Variants in NEDD9 observed in about 807,000 individuals in gnomAD.
NEDD9 encodes the protein neural precursor cell expressed, developmentally down-regulated 9, also known as enhancer of filamentation 1.
Under a neutral mutation model 76.6 loss-of-function variants are expected in NEDD9, and 26 were observed. The ratio of observed to expected loss-of-function variants is 0.34; its 90% CI spans 0.25 to 0.47. NEDD9 has a LOEUF of 0.47. Ranked by LOEUF, NEDD9 falls within the 20% of genes least tolerant of loss-of-function variation. NEDD9 has a pLI of 1.00. For synonymous variants in NEDD9, 392 were observed against 414.2 expected (o/e 0.95, Z 0.65); for missense variants, 937 against 1,058.5 (o/e 0.89, Z 1.59).
At chr6:11,227,129 C>G (rs963010123) in intron 1 of NEDD9, among the ~76,000 whole-genome samples, 5 of 152,192 alleles carry the variant, frequency 3.3e-5, no homozygotes, top group African/African-American at 1.2e-4. Flanking sequence ...GGAATCAAGT[C>G]ATTAGTATAT....
At chr6:11,209,995 T>C (rs1758728316) in intron 2 of NEDD9, among the ~76,000 whole-genome samples, 1 of 119,082 alleles carries the variant, frequency 8.4e-6, no homozygotes, top group African/African-American at 3.0e-5. Context: ...AAGTGATTCA[T>C]TAGTAGAAAA....
intron 1 of NEDD9, among the ~76,000 whole-genome samples, chr6:11,349,847 T>A (rs1459231804): frequency 2.6e-5 from 4 of 152,176 alleles, no homozygotes; most frequent in African/African-American, 4.8e-5. Flanking sequence ...GGTCACCAAA[T>A]AATCTATACA....
chr6:11,322,046 A>T (rs1248839564), intron 2 of NEDD9, among the ~76,000 whole-genome samples: 1 of 152,152 alleles, frequency 6.6e-6, no homozygotes, highest in Non-Finnish European at 1.5e-5. Context: ...TGAAGCTGGA[A>T]ATCATCATCC....
chr6:11,298,783 C>A (rs963929155), intron 3 of NEDD9, among the ~76,000 whole-genome samples: 4 of 152,206 alleles, frequency 2.6e-5, no homozygotes, highest in Non-Finnish European at 5.9e-5. Flanking sequence ...AGTTCTGTGA[C>A]AGACTTTTGC....
chr6:11,319,625 A>ACTAACATGCACACT (rs200993999), intron 2 of NEDD9, among the ~76,000 whole-genome samples: 1 of 148,034 alleles, frequency 6.8e-6, no homozygotes, highest in Non-Finnish European at 1.5e-5. Flanking sequence ...ACTCACACAC[A>ACTAACATGCACACT]CACACACTAA....
At chr6:11,233,372 T>C (rs1297317216), upstream of NEDD9, 1 of 518,884 alleles carries the variant, frequency 1.9e-6, no homozygotes, top group East Asian at 5.4e-5. Flanking sequence ...GTCACACATA[T>C]TGAGCGACCT....
Position 11,302,633 on chromosome 6 carries a change from C to A in NEDD9, c.12+3359G>T, listed in dbSNP as rs1161932775. The stretch of plus-strand genomic sequence containing the variant: ...AATCCTCAATAAAATACTGGCAAAC[C>A]GAATCCAGCAGCACATCAAAAAGCT... On this transcript the variant is annotated intron_variant, in intron 3 of 3. Transcript: ENST00000397378. 2.0e-5 allele frequency among the ~76,000 whole-genome samples: 3 copies of A among 152,158 alleles called. No individual in the cohort carries two copies. In the East Asian group the frequency reaches 5.8e-4, roughly 29 times the overall value.
intron 1 of NEDD9, among the ~76,000 whole-genome samples, chr6:11,336,735 T>C (rs1762168371): frequency 6.6e-6 from 1 of 152,254 alleles, no homozygotes. Context: ...CTATAACTTC[T>C]TCTACTTTAT....
intron 3 of NEDD9, among the ~76,000 whole-genome samples, chr6:11,254,001 G>A (rs984105952): frequency 3.7e-4 from 56 of 152,286 alleles, no homozygotes; most frequent in African/African-American, 1.3e-3. Flanking sequence ...TAAAATACAC[G>A]ATGGCCAATT....
chr6:11,312,453 A>G (rs917651395), intron 2 of NEDD9, among the ~76,000 whole-genome samples: 1 of 151,916 alleles, frequency 6.6e-6, no homozygotes, highest in African/African-American at 2.4e-5. Flanking sequence ...TACTGCTGTC[A>G]TGTTCAGGCC....
intron 1 of NEDD9, among the ~76,000 whole-genome samples, chr6:11,376,519 AG>A (rs1252699153): frequency 6.6e-6 from 1 of 152,210 alleles, no homozygotes; most frequent in African/African-American, 2.4e-5. Context: ...GATCTGTGGA[AG>A]TTTGAACTTA....
intron 6 of NEDD9, among the ~76,000 whole-genome samples, chr6:11,186,838 G>A (rs566562474): frequency 1.2e-3 from 179 of 152,192 alleles, no homozygotes; most frequent in African/African-American, 4.0e-3. Flanking sequence ...GGATGGTCTC[G>A]ATCTCCTGAC....
intron 1 of NEDD9, 29 bp downstream of exon 1, chr6:11,232,475 A>C (rs749299398): frequency 3.9e-5 from 63 of 1,614,026 alleles, no homozygotes; most frequent in Non-Finnish European, 4.5e-5. Flanking sequence ...TTCAGCTTGC[A>C]AGGTAACCTG....
At chr6:11,357,202 C>T (rs575706214) in intron 1 of NEDD9, among the ~76,000 whole-genome samples, 1 of 152,320 alleles carries the variant, frequency 6.6e-6, no homozygotes, top group East Asian at 1.9e-4. Flanking sequence ...CAAGCGTCTT[C>T]TGGCTGCTCT....
chr6:11,332,640 C>T (rs927968466), intron 2 of NEDD9, among the ~76,000 whole-genome samples: 1 of 152,194 alleles, frequency 6.6e-6, no homozygotes, highest in African/African-American at 2.4e-5. Flanking sequence ...CAGCACACGT[C>T]GTGTTCTATT....
chr6:11,308,256 A>G (rs1390119673), intron 2 of NEDD9, among the ~76,000 whole-genome samples: 1 of 151,642 alleles, frequency 6.6e-6, no homozygotes, highest in Non-Finnish European at 1.5e-5. Context: ...TTCCTGTGGC[A>G]CATGTTACAG....
upstream of NEDD9, among the ~76,000 whole-genome samples, chr6:11,235,194 A>G (rs1759573703): frequency 6.6e-6 from 1 of 152,122 alleles, no homozygotes; most frequent in Admixed American, 6.6e-5. This position sits in a 1 kb window ranked among gnomAD's most constrained non-coding sequence, Gnocchi z 4.1. Flanking sequence ...ATTTTAATTA[A>G]TATCAGATTT....
chr6:11,353,882 A>C (rs1056799170), intron 1 of NEDD9, among the ~76,000 whole-genome samples: 1 of 152,228 alleles, frequency 6.6e-6, no homozygotes, highest in African/African-American at 2.4e-5. Context: ...AGAGAAAACA[A>C]CTTGTAAAAG....
chr6:11,373,093 A>G (rs1435974868), intron 1 of NEDD9, among the ~76,000 whole-genome samples: 1 of 152,238 alleles, frequency 6.6e-6, no homozygotes, highest in Non-Finnish European at 1.5e-5. Context: ...TCCCAAATCA[A>G]TTCTTTTGAA....
Sources: allele counts gnomAD v4.1 joint callset (sites outside exome capture counted in the v4.1 genomes callset), GRCh38; gene constraint gnomAD v4.1.1; non-coding constraint Gnocchi (gnomAD v3.1); transcripts MANE v1.5; gene names NCBI Gene and HGNC (gene_info 2026-07-23, HGNC 2026-07-21).